Variants in SPIDR observed in about 807,000 individuals in gnomAD.
SPIDR encodes DNA repair-scaffolding protein.
Under a neutral mutation model 104.6 loss-of-function variants are expected in SPIDR, and 93 were observed. That is an observed-to-expected ratio of 0.89 (90% confidence interval 0.75 to 1.06). The LOEUF (loss-of-function observed/expected upper bound fraction) is 1.06, where lower values mean the gene tolerates loss of function less well. Among genes scored for constraint, SPIDR ranks in the 50% least tolerant of loss-of-function variants. The pLI is 0.00. For synonymous variants in SPIDR, 431 were observed against 416.9 expected, an observed-to-expected ratio of 1.03 and a Z score of -0.41; for missense variants, 1,154 against 1,111.2, an observed-to-expected ratio of 1.04 and a Z score of -0.55.
intron 8 of SPIDR, among the ~76,000 whole-genome samples, chr8:47,489,359 A>C (rs1485063048): frequency 6.6e-6 from 1 of 152,252 alleles, no homozygotes; most frequent in Non-Finnish European, 1.5e-5. Flanking sequence ...AAGAGGACAC[A>C]AACAAATGGA....
intron 8 of SPIDR, among the ~76,000 whole-genome samples, chr8:47,549,597 A>G (rs897712188): frequency 5.9e-5 from 9 of 152,082 alleles, no homozygotes; most frequent in African/African-American, 1.2e-4. Context: ...CATATCCTTC[A>G]CCCACTTTTT....
At chr8:47,283,204 T>A (rs1419270512) in intron 2 of SPIDR, among the ~76,000 whole-genome samples, 1 of 152,232 alleles carries the variant, frequency 6.6e-6, no homozygotes, top group Non-Finnish European at 1.5e-5. Flanking sequence ...CTTCCTTTGC[T>A]TGAGCACTTT....
intron 8 of SPIDR, among the ~76,000 whole-genome samples, chr8:47,552,719 G>T (rs1229226379): frequency 6.6e-6 from 1 of 152,040 alleles, no homozygotes; most frequent in African/African-American, 2.4e-5. Context: ...TATCCAATTT[G>T]CCAGTCTGTG....
intron 8 of SPIDR, among the ~76,000 whole-genome samples, chr8:47,461,627 T>TTTTTTC (rs1554713573): frequency 6.6e-6 from 1 of 152,102 alleles, no homozygotes. Flanking sequence ...TTTTTAATTA[T>TTTTTTC]TTTTTCTTTC....
chr8:47,556,553 G>C (rs2091347854), intron 8 of SPIDR, among the ~76,000 whole-genome samples: 1 of 152,286 alleles, frequency 6.6e-6, no homozygotes, highest in South Asian at 2.1e-4. Context: ...AGTTGTCACA[G>C]GTCATGGGAT....
rs115516927 is a variant in SPIDR at position 47,731,952 on chromosome 8, C to T, written c.2604+2487C>T. Reference sequence around the variant, plus strand: ...TGATAAAACGAACCAAAACCCACAACCTCAACAGATTCAACCAACTCTTGG... The same window carrying T: ...TGATAAAACGAACCAAAACCCACAATCTCAACAGATTCAACCAACTCTTGG... On this transcript the variant is annotated intron_variant, in intron 19 of 19. Transcript: ENST00000297423. 2.3e-3 allele frequency among the ~76,000 whole-genome samples: 344 copies of T among 152,352 alleles called. 1 individual carries two copies. The highest frequency in any genetic ancestry group is 8.1e-3 in the African/African-American group (336 of 41,592).
At position 47,735,633 on chromosome 8, in the gene SPIDR, C is replaced by G. The variant is rs1380174085; in HGVS notation, c.*183C>G. 8.4e-7 allele frequency: 1 copy of G among 1,195,042 alleles called. No individual in the cohort carries two copies. The highest frequency in any genetic ancestry group is 1.1e-6 in the Non-Finnish European group (1 of 878,814). 74.0% of individuals were successfully genotyped at this position (1,195,042 alleles called of 1,614,324 possible). On this transcript the variant is annotated 3_prime_UTR_variant, in exon 20 of 20. Coordinates refer to ENST00000297423, the MANE Select transcript of SPIDR (RefSeq NM_001080394.4). ...TTTTGTGAACTGTAAATCAAAATAC[C>G]TTTTTCTACAGTTTATCTTTTATTT...
chr8:47,667,421 A>C (rs2075108926), intron 10 of SPIDR, among the ~76,000 whole-genome samples: 1 of 143,470 alleles, frequency 7.0e-6, no homozygotes, highest in African/African-American at 2.6e-5. Flanking sequence ...GCATAGCAAG[A>C]CCTCGTCTCT....
chr8:47,315,379 G>C (rs2045133480), intron 5 of SPIDR, among the ~76,000 whole-genome samples: 1 of 152,024 alleles, frequency 6.6e-6, no homozygotes, highest in Non-Finnish European at 1.5e-5. Flanking sequence ...TGTAACTACA[G>C]TAGAATTTAA....
chr8:47,445,403 T>A (rs2070373870), intron 8 of SPIDR, among the ~76,000 whole-genome samples: 1 of 152,198 alleles, frequency 6.6e-6, no homozygotes, highest in Admixed American at 6.5e-5. Context: ...ATAAATACTG[T>A]GTGTGCTCTA....
chr8:47,285,879 G>C (rs1403108308), intron 3 of SPIDR, among the ~76,000 whole-genome samples: 1 of 152,156 alleles, frequency 6.6e-6, no homozygotes, highest in African/African-American at 2.4e-5. Context: ...ACAGTGCCTA[G>C]CACACAGTGG....
chr8:47,369,725 T>C (rs2057729348), intron 5 of SPIDR, among the ~76,000 whole-genome samples: 1 of 152,202 alleles, frequency 6.6e-6, no homozygotes, highest in African/African-American at 2.4e-5. Flanking sequence ...AGAGGATACT[T>C]TGTAGAAAGG....
intron 5 of SPIDR, among the ~76,000 whole-genome samples, chr8:47,341,920 G>A (rs1449530775): frequency 5.3e-5 from 8 of 152,102 alleles, no homozygotes; most frequent in African/African-American, 1.9e-4. Flanking sequence ...AACCACACAG[G>A]ACGTGTTTCT....
chr8:47,543,190 G>A (rs2088584539), intron 8 of SPIDR, among the ~76,000 whole-genome samples: 1 of 152,188 alleles, frequency 6.6e-6, no homozygotes, highest in Admixed American at 6.5e-5. Context: ...ATACCCAAGA[G>A]TGCAATTGCT....
rs1200051592 is a variant in SPIDR, at chr8:47,440,336, T to C, written c.891T>C (p.Gly297=). Residue 297 remains glycine (G), a synonymous_variant, in exon 8 of 20, where the codon GGT becomes GGC. Transcript: ENST00000297423. ...TTCAACTTCTAGGTAGAAAATCTGG[T>C]GTATTAACTGTGAAAATTTTAGAGC... ...YQKTLSGRKS[G]VLTVKILELH... 1 of 1,614,016 alleles carries C rather than the reference T, an allele frequency of 6.2e-7. No homozygotes were observed. Among genetic ancestry groups the C allele is most frequent in the Non-Finnish European group, 8.5e-7 (1 of 1,179,966 alleles).
At chr8:47,700,556 G>T (rs184811552) in intron 12 of SPIDR, 66 bp downstream of exon 12, 8 of 1,467,578 alleles carry the variant, frequency 5.5e-6, no homozygotes, top group Non-Finnish European at 7.6e-6. Flanking sequence ...CAAGCCAGGC[G>T]TCATCACTGT....
intron 11 of SPIDR, among the ~76,000 whole-genome samples, chr8:47,678,736 G>A (rs990156675): frequency 2.0e-5 from 3 of 152,218 alleles, no homozygotes; most frequent in South Asian, 4.1e-4. Flanking sequence ...GAGGCAAGGC[G>A]AGGACCACTG....
intron 10 of SPIDR, among the ~76,000 whole-genome samples, chr8:47,599,921 C>G (rs1304922513): frequency 6.6e-6 from 1 of 152,116 alleles, no homozygotes; most frequent in South Asian, 2.1e-4. Flanking sequence ...CCATGCCTGG[C>G]TAATTTTTGT....
At chr8:47,406,178 A>G (rs1356079433) in intron 6 of SPIDR, among the ~76,000 whole-genome samples, 1 of 151,472 alleles carries the variant, frequency 6.6e-6, no homozygotes, top group Non-Finnish European at 1.5e-5. Flanking sequence ...AGAATACAGC[A>G]TTTGCTTCTT....
Sources: gnomAD v4.1 joint callset for allele counts (sites outside exome capture counted in the v4.1 genomes callset) on GRCh38, gnomAD v4.1.1 for gene constraint, MANE v1.5 for transcripts, NCBI Gene and HGNC (gene_info 2026-07-23, HGNC 2026-07-21) for gene names.